CASK: variants seen among roughly 807,000 people sequenced by gnomAD.
CASK encodes the protein peripheral plasma membrane protein CASK.
Under a neutral mutation model 82.9 loss-of-function variants are expected in CASK, and 4 were observed. That is an observed-to-expected ratio of 0.05 (90% CI 0.02 to 0.11). The LOEUF (loss-of-function observed/expected upper bound fraction) is 0.11, where lower values mean the gene tolerates loss of function less well. Among genes scored for constraint, CASK ranks in the 10% least tolerant of loss-of-function variants. CASK has a pLI of 1.00. For synonymous variants in CASK, 259 were observed against 253.5 expected (o/e 1.02, Z -0.20); for missense variants, 358 against 720.9 (o/e 0.50, Z 5.76).
At chrX:41,816,463 A>G (rs2070412860) in intron 2 of CASK, among the ~76,000 whole-genome samples, 1 of 111,652 alleles carries the variant, frequency 9.0e-6, no homozygotes, top group Admixed American at 9.5e-5. Flanking sequence ...AGAAGATGAG[A>G]AAATTAAAGC....
intron 1 of CASK, among the ~76,000 whole-genome samples, chrX:41,885,248 T>C (rs1016537900): frequency 3.6e-5 from 4 of 112,000 alleles, no homozygotes; most frequent in African/African-American, 9.7e-5. Context: ...ACAGCTACAA[T>C]TGATATTAAC....
rs2072816327 is a variant in CASK at position 41,923,076 on chromosome X, G to A, written c.-88C>T. 2.5e-5 allele frequency: 22 copies of A among 865,786 alleles called. No individual in the cohort carries two copies. The South Asian group carries it at 3.4e-4, about 13-fold the overall frequency. 71.4% of individuals were successfully genotyped at this position (865,786 alleles called of 1,213,427 possible). ...GAGCTCAGTGCCCAGCCCCGGGATC[G>A]CCTCCTCCCCTCAGGACCCGCGAGC... On this transcript the variant is annotated 5_prime_UTR_variant, in exon 1 of 27. Coordinates refer to ENST00000378163, the MANE Select transcript of CASK (RefSeq NM_001367721.1).
intron 3 of CASK, among the ~76,000 whole-genome samples, chrX:41,785,189 T>C (rs889278642): frequency 3.6e-5 from 4 of 109,730 alleles, no homozygotes; most frequent in African/African-American, 1.3e-4. Flanking sequence ...GTATTTTTTG[T>C]AGAGACAGGG....
At chrX:41,644,781 G>A (rs1030908361) in intron 8 of CASK, among the ~76,000 whole-genome samples, 1 of 111,575 alleles carries the variant, frequency 9.0e-6, no homozygotes, top group Non-Finnish European at 1.9e-5. Context: ...CCCCCTTGAG[G>A]CGTACTTGTC....
intron 12 of CASK, chrX:41,590,091 G>C (rs1414230755): frequency 7.6e-6 from 1 of 131,926 alleles, no homozygotes; most frequent in African/African-American, 3.2e-5. Context: ...AAAGGCTTAT[G>C]GTTGTTTTAC....
Position 41,515,534 on chromosome X carries a change from G to C in CASK, c.*4886C>G, listed in dbSNP as rs1016603120. 1 of 112,079 alleles carries C rather than the reference G, an allele frequency of 8.9e-6. No homozygotes were observed. Among genetic ancestry groups the C allele is most frequent in the Non-Finnish European group, 1.9e-5 (1 of 53,204 alleles). 9.2% of individuals were successfully genotyped at this position (112,079 alleles called of 1,213,427 possible). On this transcript the variant is annotated 3_prime_UTR_variant, in exon 27 of 27. Coordinates refer to ENST00000378163, the MANE Select transcript of CASK (RefSeq NM_001367721.1). ...ACGTGCCTACACTGCAATTAAACAC[G>C]ATACTCGGGTCTTAGCACGTGAGGA... is the stretch of plus-strand genomic sequence containing the variant.
At chrX:41,613,629 T>TAAAA (rs767946526) in intron 11 of CASK, among the ~76,000 whole-genome samples, 1 of 49,849 alleles carries the variant, frequency 2.0e-5, no homozygotes. Flanking sequence ...AATGATCAAT[T>TAAAA]AAAAAAAAAA....
At chrX:41,795,469 C>T (rs1041842252) in intron 2 of CASK, among the ~76,000 whole-genome samples, 1 of 110,836 alleles carries the variant, frequency 9.0e-6, no homozygotes, top group African/African-American at 3.3e-5. Context: ...AGTTTGGGAC[C>T]AGATTGGGCA....
At chrX:41,904,338 G>C (rs1349839391) in intron 1 of CASK, among the ~76,000 whole-genome samples, 1 of 111,358 alleles carries the variant, frequency 9.0e-6, no homozygotes, top group Non-Finnish European at 1.9e-5. Flanking sequence ...CAAAGTTGCA[G>C]GACATAAGAG....
At chrX:41,570,058 A>G (rs1481134288) in intron 15 of CASK, among the ~76,000 whole-genome samples, 2 of 87,040 alleles carry the variant, frequency 2.3e-5, no homozygotes, top group African/African-American at 9.1e-5. Flanking sequence ...GCTGGAGTGC[A>G]GTGGCACAAT....
chrX:41,550,511 CT>C (rs2065081399), intron 21 of CASK, among the ~76,000 whole-genome samples: 2 of 111,176 alleles, frequency 1.8e-5, no homozygotes, highest in African/African-American at 6.5e-5. Context: ...ATGTTTCCCC[CT>C]GGATGTTCCT....
chrX:41,841,734 G>A (rs1328603817), intron 2 of CASK, among the ~76,000 whole-genome samples: 1 of 111,247 alleles, frequency 9.0e-6, no homozygotes, highest in East Asian at 2.8e-4. Context: ...ATGTTGGCCA[G>A]GCTGGTCTTG....
chrX:41,588,407 C>T (rs1165987293), intron 13 of CASK: 1 of 111,339 alleles, frequency 9.0e-6, no homozygotes, highest in Non-Finnish European at 1.9e-5. Flanking sequence ...TCCCCAGAGT[C>T]TCTCTGCTTC....
intron 3 of CASK, among the ~76,000 whole-genome samples, chrX:41,771,013 T>A (rs2069236469): frequency 8.9e-6 from 1 of 112,088 alleles, no homozygotes; most frequent in Non-Finnish European, 1.9e-5. Flanking sequence ...TCTAAAACCA[T>A]GAATAATATC....
chrX:41,697,751 T>C (rs977849044), intron 5 of CASK: 1 of 111,721 alleles, frequency 9.0e-6, no homozygotes, highest in Non-Finnish European at 1.9e-5. Context: ...CAAAAGGGTA[T>C]GTACTGCATG....
intron 1 of CASK, among the ~76,000 whole-genome samples, chrX:41,904,299 CA>C (rs1446308954): frequency 1.5e-4 from 17 of 111,777 alleles, no homozygotes; most frequent in African/African-American, 4.9e-4. Context: ...ATGCAATATA[CA>C]TCATTCTACT....
intron 22 of CASK, among the ~76,000 whole-genome samples, chrX:41,537,591 A>C (rs2064889817): frequency 9.0e-6 from 1 of 110,978 alleles, no homozygotes; most frequent in South Asian, 3.7e-4. Flanking sequence ...AATATTCTAA[A>C]CACAAGGCAA....
intron 5 of CASK, among the ~76,000 whole-genome samples, chrX:41,687,953 G>A (rs772645160): frequency 3.0e-4 from 22 of 73,282 alleles, no homozygotes; most frequent in South Asian, 1.5e-3. Context: ...CAACAAGAGC[G>A]AAACTCCGTC....
At chrX:41,644,550 A>G (rs1485047264) in intron 8 of CASK, among the ~76,000 whole-genome samples, 1 of 111,986 alleles carries the variant, frequency 8.9e-6, no homozygotes, top group Admixed American at 9.5e-5. Flanking sequence ...TGTTTGAGCA[A>G]TATGAAATGT....
Sources: gnomAD v4.1 joint callset for allele counts (sites outside exome capture counted in the v4.1 genomes callset) on GRCh38, gnomAD v4.1.1 for gene constraint, MANE v1.5 for transcripts, NCBI Gene and HGNC (gene_info 2026-07-23, HGNC 2026-07-21) for gene names.